GLB1: variants seen among roughly 807,000 people sequenced by gnomAD.
GLB1 encodes beta-galactosidase.
In GLB1, 56 loss-of-function variants were observed where a neutral mutation model predicts 74.0. That is an observed-to-expected ratio of 0.76 (90% CI 0.61 to 0.94). The LOEUF is 0.94. GLB1 is among the 40% of genes least tolerant of loss of function. The probability of loss-of-function intolerance (pLI) is 0.00; values close to 1 mark genes in which losing one functional copy is unlikely to be tolerated. For missense variants in GLB1, 787 were observed against 845.5 expected, an observed-to-expected ratio of 0.93 and a Z score of 0.86; for synonymous variants, 323 against 323.6, an observed-to-expected ratio of 1.00 and a Z score of 0.02.
At chr3:33,088,634 A>G (rs1021165752) in intron 1 of GLB1, among the ~76,000 whole-genome samples, 1 of 152,224 alleles carries the variant, frequency 6.6e-6, no homozygotes, top group African/African-American at 2.4e-5. Context: ...AAGAAATTAA[A>G]GAAGACACAA....
intron 1 of GLB1, chr3:33,091,610 C>T (rs1157018647): frequency 1.0e-6 from 1 of 984,042 alleles, no homozygotes; most frequent in East Asian, 1.1e-4. Context: ...TTGATGGATC[C>T]CTCCTGACAA....
intron 1 of GLB1, chr3:33,077,395 G>T: frequency 8.9e-7 from 1 of 1,124,754 alleles, no homozygotes; most frequent in Admixed American, 1.8e-5. Flanking sequence ...AATTTGACAG[G>T]CAACCAATCA....
At position 33,053,393 on chromosome 3, in the gene GLB1, C is replaced by A. The variant is rs999845955; in HGVS notation, c.792+98G>T. ...CCACAATCCCATTAGCTGCTGACTC[C>A]AGAGCCAAAAACATCAAGGGCCTAC... On this transcript the variant is annotated intron_variant, in intron 7 of 15. Transcript: ENST00000307363. The A allele has an allele frequency of 7.9e-5, 124 of 1,573,436 alleles. No individual in the cohort carries two copies. The African/African-American group carries it at 9.7e-4, about 12-fold the overall frequency.
chr3:33,089,366 G>A (rs907940288), intron 1 of GLB1, among the ~76,000 whole-genome samples: 6 of 152,082 alleles, frequency 3.9e-5, no homozygotes, highest in Non-Finnish European at 8.8e-5. Context: ...TGCAAATTAC[G>A]TATCTGATAA....
intron 6 of GLB1, among the ~76,000 whole-genome samples, chr3:33,055,985 T>C (rs1387816381): frequency 6.6e-6 from 1 of 151,470 alleles, no homozygotes; most frequent in East Asian, 2.0e-4. Flanking sequence ...CCCAACACTT[T>C]GGGAGGCCGA....
At chr3:33,022,564 A>ATTTGTTTTTTTTTTTTTTTTT (rs1697539049) in intron 11 of GLB1, among the ~76,000 whole-genome samples, 1 of 63,744 alleles carries the variant, frequency 1.6e-5, no homozygotes, top group Non-Finnish European at 2.9e-5. Flanking sequence ...ACTGGTTAGG[A>ATTTGTTTTTTTTTTTTTTTTT]TTTTTTTTTT....
chr3:33,041,576 C>T (rs1221861899), intron 10 of GLB1, among the ~76,000 whole-genome samples: 1 of 150,994 alleles, frequency 6.6e-6, no homozygotes, highest in Non-Finnish European at 1.5e-5. Context: ...GCAGGAGAAT[C>T]GCTTGAAGCT....
chr3:33,016,942 A>C lies in GLB1; in HGVS notation c.1348-102T>G. 6 of 1,540,036 alleles carry C rather than the reference A, an allele frequency of 3.9e-6. No homozygotes were observed. In the South Asian group the frequency reaches 7.4e-5, roughly 19 times the overall value. ...TTTAGCACTCATTTTCTTGCCTTGA[A>C]GTGTCACCAGACTTGGAAAGAAATG... On this transcript the variant is annotated intron_variant, in intron 13 of 15. Transcript: ENST00000307363.
Position 33,093,796 on chromosome 3 carries a change from TGAAGAGGAA to T in GLB1, c.75+3206_75+3214del. 1 of 1,613,338 alleles carries T rather than the reference TGAAGAGGAA, an allele frequency of 6.2e-7. No individual in the cohort carries two copies. On this transcript the variant is annotated intron_variant, in intron 1 of 15. Transcript: ENST00000307363. This position sits in a 1 kb window ranked among gnomAD's most constrained non-coding sequence, Gnocchi z 6.0. The stretch of plus-strand genomic sequence containing the variant: ...TAGGCCTGCTCCATGCCGCTGAGGA[TGAAGAGGAA>T]GAAGAGCATGATGATGTAAGCACCC...
At chr3:33,065,298 GGCAAT>G (rs572292979) in intron 5 of GLB1, among the ~76,000 whole-genome samples, 160 bp downstream of exon 5, 70 of 152,290 alleles carry the variant, frequency 4.6e-4, no homozygotes, top group African/African-American at 1.6e-3. Context: ...ATTCAAAAAT[GGCAAT>G]GCCTTCCCAA....
chr3:33,080,331 G>A (rs1022005156), intron 1 of GLB1, among the ~76,000 whole-genome samples: 1 of 151,920 alleles, frequency 6.6e-6, no homozygotes, highest in Admixed American at 6.6e-5. Flanking sequence ...CCGCCGCCTC[G>A]GCTTCCCAAA....
intron 10 of GLB1, among the ~76,000 whole-genome samples, chr3:33,027,969 C>T (rs575759078): frequency 6.6e-5 from 10 of 152,238 alleles, no homozygotes; most frequent in Non-Finnish European, 1.5e-4. Context: ...GGCACAATCA[C>T]GGCTCACTGC....
chr3:33,034,329 T>A, intron 10 of GLB1: 1 of 750,618 alleles, frequency 1.3e-6, no homozygotes, highest in Non-Finnish European at 2.5e-6. Flanking sequence ...TGCAATGCCA[T>A]CAGCTAGGCC....
chr3:33,024,377 C>T, intron 10 of GLB1, 52 bp from the exon 11 acceptor site: 1 of 1,545,792 alleles, frequency 6.5e-7, no homozygotes, highest in Non-Finnish European at 8.8e-7. Context: ...GGTAAACCTT[C>T]AGAAACATAT....
chr3:32,983,123 A>G, the GLB1 span, among the ~76,000 whole-genome samples: 3 of 152,126 alleles, frequency 2.0e-5, no homozygotes, highest in African/African-American at 7.2e-5. Flanking sequence ...GGGCTTCTTG[A>G]ATCTATGGAC....
At chr3:33,090,290 G>A (rs1029021451) in intron 1 of GLB1, 6 of 599,008 alleles carry the variant, frequency 1.0e-5, no homozygotes, top group Middle Eastern at 8.4e-4. Context: ...GAGTACAGGT[G>A]GGGCAGGGGT....
At chr3:33,094,217 C>T (rs754470799) in intron 1 of GLB1, 3 of 1,574,968 alleles carry the variant, frequency 1.9e-6, no homozygotes, top group South Asian at 2.4e-5. Context: ...CTAGTAGGCT[C>T]CCCCACCAGT....
At chr3:33,078,750 C>T (rs1700218757) in intron 1 of GLB1, among the ~76,000 whole-genome samples, 1 of 152,130 alleles carries the variant, frequency 6.6e-6, no homozygotes, top group Admixed American at 6.6e-5. Flanking sequence ...GTACAATATT[C>T]GTAATATGAA....
the GLB1 span, among the ~76,000 whole-genome samples, chr3:32,972,816 A>G: frequency 6.6e-6 from 1 of 152,306 alleles, no homozygotes; most frequent in African/African-American, 2.4e-5. Flanking sequence ...AGAAAACCCA[A>G]TTCCCCCTAA....
Sources: allele counts gnomAD v4.1 joint callset (sites outside exome capture counted in the v4.1 genomes callset), GRCh38; gene constraint gnomAD v4.1.1; non-coding constraint Gnocchi (gnomAD v3.1); transcripts MANE v1.5; gene names NCBI Gene and HGNC (gene_info 2026-07-23, HGNC 2026-07-21).